PTPRN2: variants seen among roughly 807,000 people sequenced by gnomAD.
PTPRN2 encodes the protein receptor-type tyrosine-protein phosphatase N2.
Under a neutral mutation model 118.8 loss-of-function variants are expected in PTPRN2, and 74 were observed. That is an observed-to-expected ratio of 0.62 (90% CI 0.52 to 0.76). The LOEUF (loss-of-function observed/expected upper bound fraction) is 0.76, where lower values mean the gene tolerates loss of function less well. Among genes scored for constraint, PTPRN2 ranks in the 30% least tolerant of loss-of-function variants. The pLI, the probability that PTPRN2 is intolerant of heterozygous loss-of-function variation, is 0.00. For synonymous variants in PTPRN2, 641 were observed against 608.0 expected, an observed-to-expected ratio of 1.05 and a Z score of -0.80; for missense variants, 1,481 against 1,394.4, an observed-to-expected ratio of 1.06 and a Z score of -0.99.
At chr7:158,260,590 C>A (rs1480259648) in intron 3 of PTPRN2, among the ~76,000 whole-genome samples, 1 of 151,896 alleles carries the variant, frequency 6.6e-6, no homozygotes, top group African/African-American at 2.4e-5. Context: ...AGCAAAACAA[C>A]CATGACATTT....
intron 3 of PTPRN2, among the ~76,000 whole-genome samples, chr7:158,302,410 C>T (rs74685092): frequency 0.24 from 36,170 of 152,208 alleles, 5,003 homozygotes; most frequent in East Asian, 0.41. Flanking sequence ...ACCCCAGCTC[C>T]GGCTGCAGAG....
In PTPRN2 at chr7:158,390,948, G is replaced by A. The variant is rs369315352; in HGVS notation, c.164-74016C>T. ...TGTGTCCACGTGGCAGGCTCTGTCC[G>A]CTGTCAGGGCCCTACAGGAACAAGC... On this transcript the variant is annotated intron_variant, in intron 2 of 22. Coordinates refer to ENST00000389418, the MANE Select transcript of PTPRN2 (RefSeq NM_002847.5). Among the ~76,000 whole-genome samples, 26 of 152,248 alleles carry A rather than the reference G, an allele frequency of 1.7e-4. 1 individual carries two copies. The South Asian group carries it at 5.2e-3, about 30-fold the overall frequency.
chr7:158,092,376 A>G (rs1453272684), intron 10 of PTPRN2, among the ~76,000 whole-genome samples: 1 of 150,864 alleles, frequency 6.6e-6, no homozygotes, highest in Non-Finnish European at 1.5e-5. Context: ...ATGGATGGGT[A>G]GAGAGGTGGA....
intron 2 of PTPRN2, among the ~76,000 whole-genome samples, chr7:158,410,169 A>G (rs1273252662): frequency 6.6e-6 from 1 of 151,856 alleles, no homozygotes; most frequent in Admixed American, 6.6e-5. Flanking sequence ...TGTCTGAGCC[A>G]CCTCCCCAAA....
intron 11 of PTPRN2, among the ~76,000 whole-genome samples, chr7:158,060,858 A>G (rs1810276122): frequency 6.6e-6 from 1 of 152,224 alleles, no homozygotes; most frequent in Non-Finnish European, 1.5e-5. Context: ...ATGAAGAAGG[A>G]CCTTTCAAGG....
intron 12 of PTPRN2, among the ~76,000 whole-genome samples, chr7:157,738,422 A>T (rs1217173635): frequency 1.3e-5 from 2 of 152,230 alleles, no homozygotes; most frequent in African/African-American, 4.8e-5. Context: ...TCATGGAAGC[A>T]TTTGGCATCC....
intron 12 of PTPRN2, among the ~76,000 whole-genome samples, chr7:157,738,215 G>A (rs1363133819): frequency 6.6e-6 from 1 of 152,172 alleles, no homozygotes; most frequent in African/African-American, 2.4e-5. Context: ...CGTGACCCAG[G>A]GGGACGTATC....
chr7:158,039,023 C>T (rs1808273105), intron 11 of PTPRN2, among the ~76,000 whole-genome samples: 2 of 151,862 alleles, frequency 1.3e-5, no homozygotes, highest in Non-Finnish European at 2.9e-5. Context: ...TTGGCATAAA[C>T]TAAAGAGAGG....
intron 1 of PTPRN2, among the ~76,000 whole-genome samples, chr7:158,556,695 CCG>C (rs1827018579): frequency 6.6e-6 from 1 of 152,346 alleles, no homozygotes. Flanking sequence ...ACTGCAGCTC[CCG>C]CGCAGGTCAG....
intron 2 of PTPRN2, among the ~76,000 whole-genome samples, chr7:158,365,849 C>CAGA: frequency 8.1e-6 from 1 of 123,606 alleles, no homozygotes; most frequent in South Asian, 2.7e-4. Flanking sequence ...CACACACACA[C>CAGA]CCACACACAC....
At chr7:157,600,887 CT>C (rs1239267452) in intron 16 of PTPRN2, among the ~76,000 whole-genome samples, 2 of 152,222 alleles carry the variant, frequency 1.3e-5, no homozygotes, top group Non-Finnish European at 2.9e-5. Flanking sequence ...AACCTCTCTT[CT>C]TTTTCTGAAA....
chr7:157,553,164 G>A (rs1798717178), intron 21 of PTPRN2, among the ~76,000 whole-genome samples: 1 of 152,184 alleles, frequency 6.6e-6, no homozygotes, highest in Non-Finnish European at 1.5e-5. Flanking sequence ...GAGACATCAC[G>A]TTGAGGGTTC....
intron 12 of PTPRN2, among the ~76,000 whole-genome samples, chr7:157,772,238 C>T (rs572442533): frequency 9.9e-5 from 15 of 151,900 alleles, no homozygotes; most frequent in African/African-American, 3.4e-4. Flanking sequence ...CACACACATA[C>T]ACACAGACAC....
chr7:157,931,696 C>T (rs2128780405), intron 11 of PTPRN2, among the ~76,000 whole-genome samples: 1 of 152,160 alleles, frequency 6.6e-6, no homozygotes, highest in African/African-American at 2.4e-5. Flanking sequence ...CAGTGAGTTA[C>T]CGAGACAGTT....
intron 1 of PTPRN2, among the ~76,000 whole-genome samples, chr7:158,532,997 A>C (rs1825367213): frequency 6.6e-6 from 1 of 152,298 alleles, no homozygotes; most frequent in Admixed American, 6.5e-5. Context: ...CTTAAAGCAA[A>C]ACAAACACAA....
At chr7:157,875,981 G>A (rs192715836) in intron 12 of PTPRN2, among the ~76,000 whole-genome samples, 6 of 152,002 alleles carry the variant, frequency 3.9e-5, no homozygotes, top group East Asian at 3.9e-4. Flanking sequence ...GGGCAGGCAC[G>A]GGGCTGCAGA....
At chr7:157,613,652 C>T (rs188566231) in intron 15 of PTPRN2, among the ~76,000 whole-genome samples, 2 of 152,352 alleles carry the variant, frequency 1.3e-5, no homozygotes, top group African/African-American at 4.8e-5. Flanking sequence ...GACCCCGCCG[C>T]CTCCGTCTCC....
intron 11 of PTPRN2, among the ~76,000 whole-genome samples, chr7:158,037,193 A>T (rs1808141890): frequency 6.6e-6 from 1 of 152,268 alleles, no homozygotes; most frequent in Non-Finnish European, 1.5e-5. Flanking sequence ...AGAACTTTAC[A>T]TTTAAAAATA....
chr7:158,244,566 GA>G (rs1796079264), intron 3 of PTPRN2, among the ~76,000 whole-genome samples: 1 of 152,122 alleles, frequency 6.6e-6, no homozygotes, highest in African/African-American at 2.4e-5. Flanking sequence ...TGTTTTGTGT[GA>G]AAATGAGTGT....
Sources: allele counts gnomAD v4.1 joint callset (sites outside exome capture counted in the v4.1 genomes callset), GRCh38; gene constraint gnomAD v4.1.1; transcripts MANE v1.5; gene names NCBI Gene and HGNC (gene_info 2026-07-23, HGNC 2026-07-21).